Variants in ZSWIM9 observed in about 807,000 individuals in gnomAD.
The protein encoded by ZSWIM9 is uncharacterized protein ZSWIM9.
A neutral mutation model predicts 25.0 loss-of-function variants in ZSWIM9; 11 were observed. The observed-to-expected ratio is 0.44, with a 90% CI of 0.28 to 0.73. The LOEUF is 0.73. Ranked by LOEUF, ZSWIM9 falls within the 30% of genes least tolerant of loss-of-function variation. ZSWIM9 has a pLI of 0.16. For synonymous variants in ZSWIM9, 562 were observed against 582.1 expected, an observed-to-expected ratio of 0.97 and a Z score of 0.50; for missense variants, 1,070 against 1,296.5, an observed-to-expected ratio of 0.83 and a Z score of 2.68.
rs1442550395 is a variant in ZSWIM9 at position 48,197,474 on chromosome 19, T to G, written c.*647T>G. 1.7e-6 allele frequency: 1 copy of G among 594,554 alleles called. No individual in the cohort carries two copies. The highest frequency in any genetic ancestry group is 3.0e-6 in the Non-Finnish European group (1 of 334,448). 36.8% of individuals were successfully genotyped at this position (594,554 alleles called of 1,614,324 possible). ...AATGCAAGGGGCGTGGTTTTGGTTTTTCTCCAAGACCTGGAGACATCGACC... is the reference window on the plus strand; with the variant it reads ...AATGCAAGGGGCGTGGTTTTGGTTTGTCTCCAAGACCTGGAGACATCGACC... On this transcript the variant is annotated 3_prime_UTR_variant, in exon 4 of 4. Coordinates refer to ENST00000614654, the MANE Select transcript of ZSWIM9 (RefSeq NM_199341.4).
intron 3 of ZSWIM9, chr19:48,187,866 AG>A (rs1244866723): frequency 6.6e-6 from 1 of 150,936 alleles, no homozygotes; most frequent in Non-Finnish European, 1.5e-5. Flanking sequence ...GCTTGAGCCC[AG>A]GAGCTTCAGG....
chr19:48,191,748 T>G (rs1393791606), intron 3 of ZSWIM9, among the ~76,000 whole-genome samples: 1 of 152,202 alleles, frequency 6.6e-6, no homozygotes, highest in Non-Finnish European at 1.5e-5. Context: ...ATCTGCATCC[T>G]CAAAATCTGT....
In ZSWIM9 at chr19:48,194,274, C is replaced by T. The variant is rs1000411636; in HGVS notation, c.589-379C>T. ...TGCATTTCTGTCCAGGTCCCAAGAA[C>T]CGATGGTGATGCTGCTGGTCCAGGG... On this transcript the variant is annotated intron_variant, in intron 3 of 3. Coordinates refer to ENST00000614654, the MANE Select transcript of ZSWIM9 (RefSeq NM_199341.4). This position sits in a 1 kb window ranked among gnomAD's most constrained non-coding sequence, Gnocchi z 6.0. Among the ~76,000 whole-genome samples the T allele has an allele frequency of 3.3e-5, 5 of 152,084 alleles. No homozygotes were observed. The highest frequency in any genetic ancestry group is 7.4e-5 in the Non-Finnish European group (5 of 68,014).
intron 3 of ZSWIM9, among the ~76,000 whole-genome samples, chr19:48,193,826 C>A (rs2037126429): frequency 6.6e-6 from 1 of 152,174 alleles, no homozygotes; most frequent in African/African-American, 2.4e-5. Flanking sequence ...CACAGAGATG[C>A]TCTTATTATC....
chr19:48,175,561 G>A (rs2036883920), intron 2 of ZSWIM9, among the ~76,000 whole-genome samples: 1 of 152,082 alleles, frequency 6.6e-6, no homozygotes, highest in Admixed American at 6.6e-5. Flanking sequence ...TCTGGGGGTG[G>A]TGGGAGCCCT....
chr19:48,171,429 A>C (rs1473244236), intron 1 of ZSWIM9: 1 of 978,230 alleles, frequency 1.0e-6, no homozygotes, highest in African/African-American at 1.8e-5. Context: ...AGGAGGTTTT[A>C]GCTGGAATTT....
At chr19:48,193,509 C>T (rs899228621) in intron 3 of ZSWIM9, among the ~76,000 whole-genome samples, 16 of 152,338 alleles carry the variant, frequency 1.1e-4, no homozygotes, top group South Asian at 1.0e-3. Flanking sequence ...GAGAGACCAT[C>T]CCGAAGGGGA....
intron 2 of ZSWIM9, among the ~76,000 whole-genome samples, chr19:48,175,397 T>C (rs2036882574): frequency 6.6e-6 from 1 of 151,988 alleles, no homozygotes; most frequent in African/African-American, 2.4e-5. Flanking sequence ...CTCGAGCTGC[T>C]CAAAGCAGAG....
At position 48,197,054 on chromosome 19, in the gene ZSWIM9, G is replaced by T; in HGVS notation, c.*227G>T. 1 of 551,200 alleles carries T rather than the reference G, an allele frequency of 1.8e-6. No individual in the cohort carries two copies. The highest frequency in any genetic ancestry group is 3.2e-6 in the Non-Finnish European group (1 of 312,850). 34.1% of individuals were successfully genotyped at this position (551,200 alleles called of 1,614,324 possible). On this transcript the variant is annotated 3_prime_UTR_variant, in exon 4 of 4. Transcript: ENST00000614654. ...GCTTGGGAAGGTGTTGATGGGCAGG[G>T]TGGATTCTGAGGGCTTCCCTCTGGA...
chr19:48,171,354 G>A, intron 1 of ZSWIM9: 1 of 985,416 alleles, frequency 1.0e-6, no homozygotes, highest in Non-Finnish European at 1.2e-6. Flanking sequence ...CACATGGAAG[G>A]AGGAGTTCCA....
At chr19:48,171,477 G>A in intron 1 of ZSWIM9, 2 of 760,946 alleles carry the variant, frequency 2.6e-6, no homozygotes, top group Non-Finnish European at 3.2e-6. Flanking sequence ...AGGGACATCT[G>A]AGCTTAAGGG....
At chr19:48,178,595 G>C (rs1020289855) in intron 2 of ZSWIM9, among the ~76,000 whole-genome samples, 5 of 119,592 alleles carry the variant, frequency 4.2e-5, no homozygotes, top group Non-Finnish European at 8.7e-5. Context: ...TCTTCTTCTT[G>C]AGACAGAGTC....
rs926766142 is a variant in ZSWIM9 at position 48,182,666 on chromosome 19, G to A, written c.487G>A (p.Asp163Asn). 4 of 1,535,694 alleles carry A rather than the reference G, an allele frequency of 2.6e-6. No homozygotes were observed. The highest frequency in any genetic ancestry group is 1.4e-5 in the African/African-American group (1 of 73,038). The change falls in exon 3 of 4, where the codon GAC becomes AAC. Residue 163 changes from aspartate (D) to asparagine (N), a missense_variant. Asp to Asn is a conservative substitution (Grantham distance 23). Transcript: ENST00000614654. The surrounding 1 kb of genome is among the most constrained non-coding windows in gnomAD (Gnocchi z 4.6). ...KISKQFVAPADVRRLLSYCKG... is the reference protein window; with the variant it reads ...KISKQFVAPANVRRLLSYCKG... Reference sequence around the variant, plus strand: ...CTCCAAGCAGTTCGTGGCCCCAGCCGACGTGCGCCGCCTGCTGTCCTACTG... The same window carrying A: ...CTCCAAGCAGTTCGTGGCCCCAGCCAACGTGCGCCGCCTGCTGTCCTACTG...
Position 48,194,602 on chromosome 19 carries a change from G to C in ZSWIM9, c.589-51G>C. 1 of 1,354,426 alleles carries C rather than the reference G, an allele frequency of 7.4e-7. No individual in the cohort carries two copies. Among genetic ancestry groups the C allele is most frequent in the Middle Eastern group, 2.2e-4 (1 of 4,572 alleles). 83.9% of individuals were successfully genotyped at this position (1,354,426 alleles called of 1,614,324 possible). A position where few individuals can be genotyped will look rare whatever the true frequency, so the allele number is the denominator to read the frequency against. ...CCGAGGTCGGGGAGCTGGGCGGGGA[G>C]ACCCCAGCATCCTCTGACCTCTTTC... On this transcript the variant is annotated intron_variant, in intron 3 of 3. Coordinates refer to ENST00000614654, the MANE Select transcript of ZSWIM9 (RefSeq NM_199341.4). This position sits in a 1 kb window ranked among gnomAD's most constrained non-coding sequence, Gnocchi z 6.0.
intron 2 of ZSWIM9, among the ~76,000 whole-genome samples, chr19:48,175,970 C>G (rs1172540803): frequency 6.6e-6 from 1 of 152,202 alleles, no homozygotes; most frequent in Non-Finnish European, 1.5e-5. Context: ...CTTTGGGAGG[C>G]CGAGGCGGGC....
rs1002885206 is a variant in ZSWIM9, at chr19:48,187,688, A to C, written c.588+4921A>C. The C allele has an allele frequency of 2.2e-5, 3 of 138,196 alleles. No individual in the cohort carries two copies. The East Asian group carries it at 6.1e-4, about 28-fold the overall frequency. 8.6% of individuals were successfully genotyped at this position (138,196 alleles called of 1,614,324 possible). On this transcript the variant is annotated intron_variant, in intron 3 of 3. Coordinates refer to ENST00000614654, the MANE Select transcript of ZSWIM9 (RefSeq NM_199341.4). Reference sequence around the variant, plus strand: ...TGCGATGGCTCACACCTGTAATCTCAGCACTTTGGGAGGCCGAAGCGAGAG... The same window carrying C: ...TGCGATGGCTCACACCTGTAATCTCCGCACTTTGGGAGGCCGAAGCGAGAG...
At chr19:48,191,086 ATGTGTATGTGTGTGTGTG>A (rs1306766111) in intron 3 of ZSWIM9, among the ~76,000 whole-genome samples, 1 of 142,546 alleles carries the variant, frequency 7.0e-6, no homozygotes, top group Non-Finnish European at 1.5e-5. Flanking sequence ...TGCAGTGTGT[ATGTGTATGTGTGTGTGTG>A]TGTGTGTGTG....
In ZSWIM9 at chr19:48,196,405, TGG is replaced by T; in HGVS notation, c.2343_2344del (p.Trp781CysfsTer6). The T allele has an allele frequency of 1.6e-6, 2 of 1,231,964 alleles. No individual in the cohort carries two copies. Among genetic ancestry groups the T allele is most frequent in the Admixed American group, 4.2e-5 (1 of 23,688 alleles). 76.3% of individuals were successfully genotyped at this position (1,231,964 alleles called of 1,614,324 possible). The part of the protein sequence containing the change: ...VGTVLEGSPE[W>X]AAARSEHLAA... ...GACTGTATTGGAAGGCAGCCCAGAATGGGCAGCGGCGAGGAGTGAACACCTGG... is the reference window on the plus strand; with the variant it reads ...GACTGTATTGGAAGGCAGCCCAGAATGCAGCGGCGAGGAGTGAACACCTGG... On this transcript the variant is annotated frameshift_variant, in exon 4 of 4. Coordinates refer to ENST00000614654, the MANE Select transcript of ZSWIM9 (RefSeq NM_199341.4). LOFTEE classifies it high-confidence loss of function.
intron 1 of ZSWIM9, chr19:48,171,494 T>A (rs1488317887): frequency 1.5e-6 from 1 of 668,036 alleles, no homozygotes; most frequent in Non-Finnish European, 1.9e-6. Context: ...AGGGTCGTAT[T>A]TTGGGAGGAG....
Sources: allele counts gnomAD v4.1 joint callset (sites outside exome capture counted in the v4.1 genomes callset), GRCh38; gene constraint gnomAD v4.1.1; non-coding constraint Gnocchi (gnomAD v3.1); transcripts MANE v1.5; gene names NCBI Gene and HGNC (gene_info 2026-07-23, HGNC 2026-07-21).